The following OR51B5 variants were observed in gnomAD, a reference collection of about 807,000 sequenced individuals.
OR51B5 encodes olfactory receptor family 51 subfamily B member 5.
For synonymous variants in OR51B5, 186 were observed against 144.8 expected, an observed-to-expected ratio of 1.28 and a Z score of -2.04; for missense variants, 456 against 374.6, an observed-to-expected ratio of 1.22 and a Z score of -1.79.
At chr11:5,404,634 C>G (rs994417065) in intron 1 of OR51B5, among the ~76,000 whole-genome samples, 3 of 152,148 alleles carry the variant, frequency 2.0e-5, no homozygotes, top group Non-Finnish European at 4.4e-5. Context: ...ACCTGGGGTC[C>G]CCTTGCACGC....
intron 1 of OR51B5, among the ~76,000 whole-genome samples, chr11:5,411,051 C>A (rs926275535): frequency 6.6e-6 from 1 of 152,148 alleles, no homozygotes; most frequent in Admixed American, 6.5e-5. Context: ...ATAAATTCAG[C>A]ATAGCCTAAA....
chr11:5,425,494 A>G (rs1246180535), intron 1 of OR51B5, among the ~76,000 whole-genome samples: 6 of 152,144 alleles, frequency 3.9e-5, no homozygotes, highest in African/African-American at 1.4e-4. Context: ...CTTGAGATAA[A>G]CTGTTTATTG....
chr11:5,426,560 T>C (rs1298031027), intron 1 of OR51B5, among the ~76,000 whole-genome samples: 1 of 152,120 alleles, frequency 6.6e-6, no homozygotes, highest in African/African-American at 2.4e-5. Context: ...AGAAGTATAG[T>C]ATGTACTCTA....
intron 1 of OR51B5, among the ~76,000 whole-genome samples, chr11:5,504,757 T>A (rs572862450): frequency 6.6e-6 from 1 of 152,196 alleles, no homozygotes; most frequent in Non-Finnish European, 1.5e-5. Flanking sequence ...TTGCACACTT[T>A]CCACGTACCA....
intron 1 of OR51B5, chr11:5,422,245 C>T (rs267602952): frequency 1.2e-6 from 2 of 1,613,728 alleles, no homozygotes; most frequent in East Asian, 2.2e-5. Context: ...TCTACTTCAT[C>T]CTCACGGACA....
At chr11:5,390,168 T>G (rs2736531) in intron 1 of OR51B5, 596,302 of 1,613,474 alleles carry the variant, frequency 0.37, 111,231 homozygotes, top group South Asian at 0.44. Context: ...ACCGCTCCTC[T>G]CTGTGCTGTG....
chr11:5,381,368 C>T (rs908988415), intron 1 of OR51B5, among the ~76,000 whole-genome samples: 2 of 152,166 alleles, frequency 1.3e-5, no homozygotes, highest in African/African-American at 2.4e-5. Flanking sequence ...AACCATCATG[C>T]ACCCACATTC....
intron 1 of OR51B5, among the ~76,000 whole-genome samples, chr11:5,356,529 G>C (rs1386770688): frequency 3.4e-5 from 5 of 146,062 alleles, no homozygotes; most frequent in East Asian, 1.9e-4. Flanking sequence ...CGGGCAGAAT[G>C]GAACCAAGTT....
intron 1 of OR51B5, among the ~76,000 whole-genome samples, chr11:5,384,105 T>C (rs1034026820): frequency 6.6e-6 from 1 of 152,210 alleles, no homozygotes; most frequent in African/African-American, 2.4e-5. Context: ...CTTAGCCAAA[T>C]GGATTCCCCA....
At chr11:5,409,516 A>C (rs968079155) in intron 1 of OR51B5, among the ~76,000 whole-genome samples, 11 of 152,200 alleles carry the variant, frequency 7.2e-5, no homozygotes, top group Non-Finnish European at 1.3e-4. Flanking sequence ...ACTAAAAAAA[A>C]ATCTATCAAA....
chr11:5,500,004 G>C (rs1033754222), intron 1 of OR51B5, among the ~76,000 whole-genome samples: 11 of 152,176 alleles, frequency 7.2e-5, no homozygotes, highest in African/African-American at 2.7e-4. Flanking sequence ...CTAGAGTGCT[G>C]ATGTGATCCC....
At chr11:5,473,723 A>G (rs143908865) in intron 1 of OR51B5, among the ~76,000 whole-genome samples, 68 of 152,326 alleles carry the variant, frequency 4.5e-4, no homozygotes, top group African/African-American at 1.5e-3. Flanking sequence ...CTTTATAAAT[A>G]TATGTGTGTA....
chr11:5,497,072 GGAAAGGAA>G (rs1453343288), intron 1 of OR51B5, among the ~76,000 whole-genome samples: 10 of 150,860 alleles, frequency 6.6e-5, no homozygotes, highest in African/African-American at 2.0e-4. Flanking sequence ...AAAAGAGAGA[GGAAAGGAA>G]AGAGAGGAGA....
intron 1 of OR51B5, among the ~76,000 whole-genome samples, chr11:5,467,836 G>C (rs750625477): frequency 1.3e-5 from 2 of 152,276 alleles, no homozygotes; most frequent in South Asian, 4.1e-4. Context: ...GTTAGGCTTC[G>C]ATTTGGAGTG....
chr11:5,364,486 A>C (rs1849336710), intron 1 of OR51B5, among the ~76,000 whole-genome samples: 1 of 152,234 alleles, frequency 6.6e-6, no homozygotes, highest in Non-Finnish European at 1.5e-5. Flanking sequence ...CTCAATGGTC[A>C]GTCTCCTTGC....
At chr11:5,422,757 TG>T in intron 1 of OR51B5, 1 of 1,614,214 alleles carries the variant, frequency 6.2e-7, no homozygotes, top group African/African-American at 1.3e-5. Context: ...CACCAGGATA[TG>T]ATCCGCCTGG....
intron 1 of OR51B5, chr11:5,489,725 A>C: frequency 1.0e-5 from 11 of 1,089,486 alleles, no homozygotes; most frequent in Non-Finnish European, 1.5e-5. Flanking sequence ...ATACATTTAC[A>C]TGGACACACA....
intron 1 of OR51B5, among the ~76,000 whole-genome samples, chr11:5,459,123 A>C (rs899085283): frequency 1.3e-4 from 20 of 152,164 alleles, no homozygotes; most frequent in African/African-American, 4.3e-4. Context: ...TTGAGGTATA[A>C]TCCTTCAATA....
Position 5,412,500 on chromosome 11 carries a change from C to T in OR51B5, n.85-65590G>A, listed in dbSNP as rs143387443. ...AAGCAGGGCGAGGCATTGCCTCACT[C>T]GGGAAGCGCAAGGGGTCAGGGAGTT... On this transcript the variant is annotated intron_variant and non_coding_transcript_variant, in intron 1 of 4. Coordinates refer to the OR51B5 transcript ENST00000415970. Among the ~76,000 whole-genome samples, 6,029 of 152,246 alleles carry T rather than the reference C, an allele frequency of 0.04. 512 individuals are homozygous for T. In the East Asian group the frequency reaches 0.4, roughly 10 times the overall value.
Sources: allele counts gnomAD v4.1 joint callset (sites outside exome capture counted in the v4.1 genomes callset), GRCh38; gene constraint gnomAD v4.1.1; transcripts MANE v1.5; gene names NCBI Gene and HGNC (gene_info 2026-07-23, HGNC 2026-07-21).